The following CALN1 variants were observed in gnomAD, a reference collection of about 807,000 sequenced individuals.
CALN1 encodes the protein calcium-binding protein 8.
A neutral mutation model predicts 30.6 loss-of-function variants in CALN1; 17 were observed. The observed-to-expected ratio is 0.56, with a 90% CI of 0.38 to 0.83. The LOEUF is 0.83. CALN1 is among the 40% of genes least tolerant of loss of function. The pLI is 0.00. For synonymous variants in CALN1, 156 were observed against 131.4 expected, an observed-to-expected ratio of 1.19 and a Z score of -1.28; for missense variants, 291 against 354.9, an observed-to-expected ratio of 0.82 and a Z score of 1.45.
At chr7:72,246,087 A>C (rs1360057806) in intron 3 of CALN1, among the ~76,000 whole-genome samples, 1 of 152,168 alleles carries the variant, frequency 6.6e-6, no homozygotes. Context: ...TTATCCGACA[A>C]AAGTAATTTC....
chr7:72,442,089 C>T (rs906072550), intron 1 of CALN1, among the ~76,000 whole-genome samples: 1 of 152,082 alleles, frequency 6.6e-6, no homozygotes, highest in African/African-American at 2.4e-5. Context: ...CAACACATCC[C>T]ATTGCCTCCA....
chr7:72,393,069 T>C (rs1270172112), intron 2 of CALN1, among the ~76,000 whole-genome samples: 2 of 152,116 alleles, frequency 1.3e-5, no homozygotes, highest in African/African-American at 4.8e-5. Flanking sequence ...ATTCCAATTT[T>C]TTCCATGAAA....
At chr7:72,284,007 G>A (rs966965822) in intron 2 of CALN1, among the ~76,000 whole-genome samples, 26 of 152,190 alleles carry the variant, frequency 1.7e-4, no homozygotes, top group Admixed American at 1.4e-3. Context: ...ATATACTGAA[G>A]AGGCCATGTA....
chr7:72,159,581 T>C (rs1314505119), intron 3 of CALN1, among the ~76,000 whole-genome samples: 1 of 152,090 alleles, frequency 6.6e-6, no homozygotes, highest in Non-Finnish European at 1.5e-5. Context: ...GTGGATCACC[T>C]GAGGTCAGGA....
intron 1 of CALN1, among the ~76,000 whole-genome samples, chr7:72,404,574 C>T (rs1017011725): frequency 2.6e-5 from 4 of 152,194 alleles, no homozygotes; most frequent in Non-Finnish European, 5.9e-5. Flanking sequence ...TTGCAGCAGG[C>T]AATGGCTTCT....
intron 5 of CALN1, among the ~76,000 whole-genome samples, chr7:71,990,398 T>C (rs888545824): frequency 1.3e-5 from 2 of 152,084 alleles, no homozygotes; most frequent in African/African-American, 4.8e-5. Flanking sequence ...GAAATAACTA[T>C]AAGAATACTC....
chr7:72,346,538 C>A (rs983448918), intron 2 of CALN1, among the ~76,000 whole-genome samples: 2 of 152,096 alleles, frequency 1.3e-5, no homozygotes, highest in South Asian at 4.1e-4. Context: ...TTATTTGAAA[C>A]GAAATTTCAC....
chr7:71,876,778 T>G (rs1792269912), intron 5 of CALN1, among the ~76,000 whole-genome samples: 1 of 152,210 alleles, frequency 6.6e-6, no homozygotes, highest in Non-Finnish European at 1.5e-5. Flanking sequence ...AGGTTGCAAG[T>G]GGCAGAACAA....
In CALN1 at chr7:72,267,728, C is replaced by T. The variant is rs565118115; in HGVS notation, c.244+10958G>A. On this transcript the variant is annotated intron_variant, in intron 3 of 6. Transcript: ENST00000395275. ...ATGTAGTTAGTAACAGTACCTGGGCCGGGTGTGTTGACTCACATCTGTAAT... is the reference window on the plus strand; with the variant it reads ...ATGTAGTTAGTAACAGTACCTGGGCTGGGTGTGTTGACTCACATCTGTAAT... Among the ~76,000 whole-genome samples, 111 of 152,298 alleles carry T rather than the reference C, an allele frequency of 7.3e-4. No homozygotes were observed. The South Asian group carries it at 0.023, about 31-fold the overall frequency.
At chr7:71,920,330 CTTTTTTTTTTTTT>C (rs71092931) in intron 5 of CALN1, among the ~76,000 whole-genome samples, 1 of 98,744 alleles carries the variant, frequency 1.0e-5, no homozygotes, top group African/African-American at 4.1e-5. Context: ...CAAATTAGTT[CTTTTTTTTTTTTT>C]TTTTTTTTTT....
At chr7:71,798,115 GAC>G (rs751516900) in intron 6 of CALN1, among the ~76,000 whole-genome samples, 21 of 87,088 alleles carry the variant, frequency 2.4e-4, no homozygotes, top group Admixed American at 9.8e-4. Flanking sequence ...GAGAGACAGA[GAC>G]AGAGACAGAG....
At chr7:72,061,796 C>CAAAAAAAAAAAAAAAAAAAAAAAAAAAA (rs1161510912) in intron 4 of CALN1, among the ~76,000 whole-genome samples, 1 of 85,134 alleles carries the variant, frequency 1.2e-5, no homozygotes, top group African/African-American at 4.8e-5. Flanking sequence ...GACTCTGTCT[C>CAAAAAAAAAAAAAAAAAAAAAAAAAAAA]AAAAAAAAAA....
chr7:72,344,935 C>A (rs1411741781), intron 2 of CALN1, among the ~76,000 whole-genome samples: 1 of 146,330 alleles, frequency 6.8e-6, no homozygotes, highest in Non-Finnish European at 1.5e-5. Context: ...TATATTTATT[C>A]ATATATGAAT....
At chr7:72,109,703 G>A (rs1198595498) in intron 3 of CALN1, among the ~76,000 whole-genome samples, 2 of 152,214 alleles carry the variant, frequency 1.3e-5, no homozygotes, top group African/African-American at 2.4e-5. Context: ...ACACTGTGGT[G>A]GAGGACATGG....
At chr7:72,277,396 C>T (rs1009717756) in intron 3 of CALN1, among the ~76,000 whole-genome samples, 1 of 152,178 alleles carries the variant, frequency 6.6e-6, no homozygotes, top group South Asian at 2.1e-4. Flanking sequence ...TTTTGCTCAA[C>T]TGAAGACCAG....
chr7:72,382,071 A>C (rs369409985), intron 2 of CALN1, among the ~76,000 whole-genome samples: 17 of 152,160 alleles, frequency 1.1e-4, no homozygotes, highest in East Asian at 5.8e-4. Flanking sequence ...GAGGGGATAA[A>C]ATCACTGCAA....
chr7:72,000,722 A>C lies in CALN1; in HGVS notation c.501+22935T>G, dbSNP rs928871408. Among the ~76,000 whole-genome samples, 3 of 151,066 alleles carry C rather than the reference A, an allele frequency of 2.0e-5. No homozygotes were observed. In the East Asian group the frequency reaches 5.8e-4, roughly 29 times the overall value. ...AGGCCTCATAACAAAACCAGACAGC[A>C]CAAAACAAACAAACAAACAAAAATT... is the stretch of plus-strand genomic sequence containing the variant. On this transcript the variant is annotated intron_variant, in intron 5 of 6. Transcript: ENST00000395275.
intron 3 of CALN1, among the ~76,000 whole-genome samples, chr7:72,211,573 T>C (rs1019008666): frequency 2.2e-4 from 34 of 152,336 alleles, no homozygotes; most frequent in African/African-American, 7.9e-4. Flanking sequence ...TCGATAGGTC[T>C]GTAGCAAGAA....
chr7:72,154,752 G>A (rs1401759877), intron 3 of CALN1, among the ~76,000 whole-genome samples: 1 of 152,152 alleles, frequency 6.6e-6, no homozygotes, highest in Non-Finnish European at 1.5e-5. Context: ...TTAATAAGAA[G>A]AGGAAGAGAG....
Sources: gnomAD v4.1 joint callset for allele counts (sites outside exome capture counted in the v4.1 genomes callset) on GRCh38, gnomAD v4.1.1 for gene constraint, MANE v1.5 for transcripts, NCBI Gene and HGNC (gene_info 2026-07-23, HGNC 2026-07-21) for gene names.